REPS2: variants seen among roughly 807,000 people sequenced by gnomAD.
The protein encoded by REPS2 is RALBP1 associated Eps domain containing 2.
REPS2 carries 23 observed loss-of-function variants against 53.6 expected under a neutral mutation model. The observed-to-expected ratio is 0.43, with a 90% CI of 0.31 to 0.61. The LOEUF (loss-of-function observed/expected upper bound fraction) is 0.61. Ranked by LOEUF, REPS2 falls within the 20% of genes least tolerant of loss-of-function variation. The pLI, the probability that REPS2 is intolerant of heterozygous loss-of-function variation, is 0.11. For synonymous variants in REPS2, 238 were observed against 218.6 expected (o/e 1.09, Z -0.78); for missense variants, 446 against 534.9 (o/e 0.83, Z 1.64).
chrX:16,987,176 C>T (rs2061102478), intron 1 of REPS2, among the ~76,000 whole-genome samples: 1 of 110,524 alleles, frequency 9.0e-6, no homozygotes, highest in African/African-American at 3.3e-5. Context: ...CTCAAGTGAT[C>T]CTCCTGCCTT....
At chrX:17,132,737 C>A (rs1216964676) in intron 14 of REPS2, among the ~76,000 whole-genome samples, 1 of 111,315 alleles carries the variant, frequency 9.0e-6, no homozygotes, top group Non-Finnish European at 1.9e-5. Flanking sequence ...GGGGTTTCGC[C>A]ATGTTGGTCG....
At chrX:17,090,177 T>C (rs1438129140) in intron 13 of REPS2, among the ~76,000 whole-genome samples, 1 of 112,334 alleles carries the variant, frequency 8.9e-6, no homozygotes, top group East Asian at 2.8e-4. Context: ...CTGTATTTTA[T>C]TTGATGAGAT....
chrX:17,056,123 T>G (rs1311363879), intron 8 of REPS2, among the ~76,000 whole-genome samples: 2 of 112,696 alleles, frequency 1.8e-5, no homozygotes, highest in Non-Finnish European at 3.8e-5. Context: ...TATTAGACTT[T>G]CACATCTCAT....
At chrX:17,120,702 C>T (rs1302876613) in intron 14 of REPS2, among the ~76,000 whole-genome samples, 1 of 111,665 alleles carries the variant, frequency 9.0e-6, no homozygotes. Flanking sequence ...CATTGTTACC[C>T]TCATCTGTGA....
intron 13 of REPS2, among the ~76,000 whole-genome samples, chrX:17,097,595 A>G (rs192712235): frequency 8.9e-6 from 1 of 112,397 alleles, no homozygotes; most frequent in East Asian, 2.8e-4. Flanking sequence ...CAGCATTAAT[A>G]AAACAGAAAG....
chrX:16,965,080 G>A (rs866966728), intron 1 of REPS2, among the ~76,000 whole-genome samples: 82 of 86,202 alleles, frequency 9.5e-4, no homozygotes, highest in African/African-American at 3.3e-3. Flanking sequence ...GCAGCTGGCC[G>A]GGCGGGGGGC....
At chrX:17,123,404 A>T (rs2063167163) in intron 14 of REPS2, among the ~76,000 whole-genome samples, 1 of 112,989 alleles carries the variant, frequency 8.9e-6, no homozygotes, top group Non-Finnish European at 1.9e-5. Context: ...TTTAGACCAA[A>T]ATAAAGTGCT....
intron 12 of REPS2, among the ~76,000 whole-genome samples, chrX:17,076,353 G>A (rs2062381055): frequency 9.0e-6 from 1 of 111,602 alleles, no homozygotes; most frequent in Non-Finnish European, 1.9e-5. Flanking sequence ...TAAAACAGAT[G>A]TATACATCTA....
intron 1 of REPS2, among the ~76,000 whole-genome samples, chrX:17,005,173 G>A (rs747897309): frequency 1.1e-4 from 12 of 111,296 alleles, no homozygotes; most frequent in African/African-American, 3.9e-4. Context: ...TATTTTTGAG[G>A]TAGGTTTCAT....
At chrX:17,182,724 C>T in the REPS2 span, among the ~76,000 whole-genome samples, 2 of 112,502 alleles carry the variant, frequency 1.8e-5, no homozygotes, top group Admixed American at 9.4e-5. Context: ...CAAAGACATG[C>T]AGCCCAGTGA....
the REPS2 span, among the ~76,000 whole-genome samples, chrX:17,182,145 TCTA>T: frequency 7.6e-4 from 34 of 44,940 alleles, no homozygotes; most frequent in Non-Finnish European, 6.7e-4. Flanking sequence ...TATCTGTCTA[TCTA>T]TCTATCTATC....
chrX:17,035,854 T>C (rs1324561530), intron 5 of REPS2, among the ~76,000 whole-genome samples: 2 of 111,974 alleles, frequency 1.8e-5, no homozygotes, highest in Non-Finnish European at 3.8e-5. Context: ...TTACATGTAA[T>C]ATATGCAAAA....
At chrX:17,115,581 G>A (rs2063040814) in intron 14 of REPS2, among the ~76,000 whole-genome samples, 1 of 111,633 alleles carries the variant, frequency 9.0e-6, no homozygotes, top group South Asian at 3.8e-4. Context: ...CTGGGGGACG[G>A]TCAGGTCTTT....
At chrX:17,077,003 T>G (rs1225055068) in intron 12 of REPS2, among the ~76,000 whole-genome samples, 1 of 112,009 alleles carries the variant, frequency 8.9e-6, no homozygotes, top group African/African-American at 3.2e-5. Context: ...AGAAATGGAT[T>G]TGAATTTACA....
intron 9 of REPS2, among the ~76,000 whole-genome samples, chrX:17,065,337 A>G (rs1244896908): frequency 8.9e-6 from 1 of 112,178 alleles, no homozygotes; most frequent in East Asian, 2.8e-4. Context: ...GTGGTATCTC[A>G]TTGTGGTTTT....
intron 5 of REPS2, among the ~76,000 whole-genome samples, chrX:17,032,917 T>C (rs1306090506): frequency 8.9e-6 from 1 of 112,489 alleles, no homozygotes; most frequent in Non-Finnish European, 1.9e-5. Flanking sequence ...TTTCAGACAC[T>C]AAGCATATCC....
chrX:17,031,645 G>T (rs1369626108), intron 5 of REPS2, among the ~76,000 whole-genome samples: 1 of 111,681 alleles, frequency 9.0e-6, no homozygotes, highest in East Asian at 2.8e-4. Flanking sequence ...CTTTAAGGAT[G>T]AAAATGGGCA....
intron 1 of REPS2, among the ~76,000 whole-genome samples, chrX:16,996,925 A>G (rs1367733769): frequency 2.7e-5 from 3 of 112,647 alleles, no homozygotes; most frequent in African/African-American, 9.7e-5. Flanking sequence ...AAAATATGGA[A>G]TAGACTGAAA....
intron 6 of REPS2, among the ~76,000 whole-genome samples, chrX:17,050,066 T>G (rs1190715222): frequency 9.4e-6 from 1 of 106,227 alleles, no homozygotes; most frequent in Non-Finnish European, 1.9e-5. Context: ...CCTACAAAGG[T>G]GAACCATTTT....
Sources: gnomAD v4.1 joint callset for allele counts (sites outside exome capture counted in the v4.1 genomes callset) on GRCh38, gnomAD v4.1.1 for gene constraint, MANE v1.5 for transcripts, NCBI Gene and HGNC (gene_info 2026-07-23, HGNC 2026-07-21) for gene names.